DCTN2: variants seen among roughly 807,000 people sequenced by gnomAD.
DCTN2 encodes 50 kDa dynein-associated polypeptide.
In DCTN2, 18 loss-of-function variants were observed where a neutral mutation model predicts 55.4. That is an observed-to-expected ratio of 0.32 (90% CI 0.22 to 0.48). DCTN2 has a LOEUF of 0.48. Among genes scored for constraint, DCTN2 ranks in the 20% least tolerant of loss-of-function variants. DCTN2 has a pLI of 0.99. For missense variants in DCTN2, 390 were observed against 491.0 expected, an observed-to-expected ratio of 0.79 and a Z score of 1.94; for synonymous variants, 168 against 185.2, an observed-to-expected ratio of 0.91 and a Z score of 0.76.
At chr12:57,533,842 A>T in intron 7 of DCTN2, 111 bp downstream of exon 7, 1 of 1,110,716 alleles carries the variant, frequency 9.0e-7, no homozygotes, top group Non-Finnish European at 1.3e-6. Context: ...AATCAAGAGG[A>T]ATCAGAGGAA....
At chr12:57,543,822 C>T in intron 2 of DCTN2, 1 of 1,289,624 alleles carries the variant, frequency 7.8e-7, no homozygotes, top group South Asian at 1.2e-5. Flanking sequence ...TCCTGGGCAA[C>T]ATGCCACAGG....
At chr12:57,533,104 T>A in intron 8 of DCTN2, 82 bp from the exon 9 acceptor site, 1 of 1,557,254 alleles carries the variant, frequency 6.4e-7, no homozygotes, top group Non-Finnish European at 8.7e-7. Context: ...TGGTTCTAGC[T>A]GGGAACCCAC....
chr12:57,532,518 C>T (rs1247705456), intron 11 of DCTN2, 54 bp downstream of exon 11: 1 of 1,577,744 alleles, frequency 6.3e-7, no homozygotes, highest in Admixed American at 1.7e-5. Context: ...TTTGACACTG[C>T]CACTCGGAGA....
chr12:57,537,276 G>A (rs60489267), intron 2 of DCTN2, among the ~76,000 whole-genome samples: 72 of 150,748 alleles, frequency 4.8e-4, no homozygotes, highest in African/African-American at 1.6e-3. Context: ...GGAGGATGCA[G>A]TGAGCAGAGA....
At chr12:57,543,654 G>A (rs1249909319) in intron 2 of DCTN2, 2 of 590,116 alleles carry the variant, frequency 3.4e-6, no homozygotes, top group African/African-American at 4.0e-5. Flanking sequence ...CTGACATCAG[G>A]AAACATCTTG....
rs1367575653 is a variant in DCTN2 at position 57,532,026 on chromosome 12, G to A, written c.1108C>T (p.Leu370Phe). 6.4e-7 allele frequency: 1 copy of A among 1,562,120 alleles called. No homozygotes were observed. Among genetic ancestry groups the A allele is most frequent in the Admixed American group, 1.9e-5 (1 of 52,226 alleles). The change falls in exon 13 of 14, where the codon CTC becomes TTC. Residue 370 changes from leucine (L) to phenylalanine (F), a missense_variant. Leu to Phe is a conservative substitution (Grantham distance 22). Transcript: ENST00000548249. ...AAAGGGGCACACACCTGGGTCAAGAGGGTGGTATTGTCCTTCAAGGAATTA... is the reference window on the plus strand; with the variant it reads ...AAAGGGGCACACACCTGGGTCAAGAAGGTGGTATTGTCCTTCAAGGAATTA... ...IANSLKDNTT[L>F]LTQVQTTMRE...
chr12:57,533,439 A>G (rs1879924622), intron 7 of DCTN2, 136 bp from the exon 8 acceptor site: 7 of 832,640 alleles, frequency 8.4e-6, no homozygotes, highest in Admixed American at 1.9e-5. Flanking sequence ...CCTAGCCACA[A>G]TCTTAAAATC....
Position 57,530,739 on chromosome 12 carries a change from C to CGG in DCTN2, c.1155_1156insCC (p.Glu386ProfsTer12). The CGG allele has an allele frequency of 6.2e-7, 1 of 1,613,970 alleles. No individual in the cohort carries two copies. The highest frequency in any genetic ancestry group is 8.5e-7 in the Non-Finnish European group (1 of 1,179,866). On this transcript the variant is annotated frameshift_variant, in exon 14 of 14. Coordinates refer to ENST00000548249, the MANE Select transcript of DCTN2 (RefSeq NM_001261413.2). LOFTEE classifies it high-confidence loss of function. ...TCATCAATGCTGGCAAAGTTCCCCT[C>CGG]AACTGTGGCCAGGTTTTCACGCATG...
rs74396207 is a variant in DCTN2, at chr12:57,545,531, G to A, written c.105+497C>T. Among the ~76,000 whole-genome samples the A allele has an allele frequency of 8.0e-3, 1,224 of 152,324 alleles. 18 individuals are homozygous for A. The highest frequency in any genetic ancestry group is 0.031 in the Middle Eastern group (9 of 294). On this transcript the variant is annotated intron_variant, in intron 2 of 13. Transcript: ENST00000548249. ...CAACCACAGTCTCACATCCGCTGAT[G>A]TGAAATATTTACATTCTTCCTCAAA...
At chr12:57,542,810 C>T (rs965517899) in intron 2 of DCTN2, 26 of 455,594 alleles carry the variant, frequency 5.7e-5, no homozygotes, top group African/African-American at 4.8e-4. Flanking sequence ...AAGAGTGAGA[C>T]TCTGTCTCAA....
intron 2 of DCTN2, chr12:57,541,298 C>T: frequency 1.3e-6 from 2 of 1,575,334 alleles, no homozygotes; most frequent in East Asian, 2.2e-5. Flanking sequence ...AGCACAGTGG[C>T]AGAGCATTGC....
At chr12:57,546,790 T>C (rs140979768) in intron 1 of DCTN2, among the ~76,000 whole-genome samples, 1,573 of 152,282 alleles carry the variant, frequency 0.01, 19 homozygotes, top group Middle Eastern at 0.031. Flanking sequence ...CCGGAGTCGA[T>C]TTCTGGGCCG....
chr12:57,544,745 G>A (rs1714477523), intron 2 of DCTN2, among the ~76,000 whole-genome samples: 2 of 152,020 alleles, frequency 1.3e-5, no homozygotes, highest in African/African-American at 4.8e-5. Flanking sequence ...GAATCCATGG[G>A]TTTGGAACCC....
rs377210827 is a variant in DCTN2, at chr12:57,530,650, G to A, written c.*39C>T. On this transcript the variant is annotated 3_prime_UTR_variant, in exon 14 of 14. Transcript: ENST00000548249. ...TGTAAGCTGTTAACAGAGTTCACAG[G>A]GGTAGGGATAACCCCTGTTCTCCAG... 74 of 1,545,732 alleles carry A rather than the reference G, an allele frequency of 4.8e-5. No homozygotes were observed. In the African/African-American group the frequency reaches 8.6e-4, roughly 18 times the overall value.
In DCTN2 at chr12:57,541,484, T is replaced by TATGTCTTC. The variant is rs1409213183; in HGVS notation, c.105+4543_105+4544insGAAGACAT. On this transcript the variant is annotated intron_variant, in intron 2 of 13. Transcript: ENST00000548249. ...GAACACAATCAAGCATACTCCAGGA[T>TATGTCTTC]CTTCTAAACTGTAAGGAAGTACTGT... The TATGTCTTC allele has an allele frequency of 5.3e-4, 589 of 1,101,364 alleles. 1 individual carries two copies. The highest frequency in any genetic ancestry group is 7.0e-4 in the Non-Finnish European group (516 of 738,664). The allele number at this position is 1,101,364 out of a possible 1,614,324, so 68.2% of individuals were successfully genotyped here.
At chr12:57,535,008 C>G (rs755299415) in intron 5 of DCTN2, 48 bp downstream of exon 5, 2 of 1,486,528 alleles carry the variant, frequency 1.3e-6, no homozygotes, top group Non-Finnish European at 9.3e-7. Flanking sequence ...AGGTCTTCCT[C>G]TACTGTGTAA....
Position 57,532,973 on chromosome 12 carries a change from T to A in DCTN2, c.774+11A>T. The A allele has an allele frequency of 6.2e-7, 1 of 1,601,768 alleles. No homozygotes were observed. The highest frequency in any genetic ancestry group is 8.5e-7 in the Non-Finnish European group (1 of 1,174,348). On this transcript the variant is annotated intron_variant, in intron 9 of 13. Coordinates refer to ENST00000548249, the MANE Select transcript of DCTN2 (RefSeq NM_001261413.2). ...CTGTGATCCAAACACTCCAGTTTCT[T>A]CCAAACTCACCATGAGACAGGCTCC...
rs1462058738 is a variant in DCTN2 at position 57,532,807 on chromosome 12, T to C, written c.778A>G (p.Thr260Ala). 1.2e-6 allele frequency: 2 copies of C among 1,613,768 alleles called. No individual in the cohort carries two copies. Among genetic ancestry groups the C allele is most frequent in the Admixed American group, 3.3e-5 (2 of 59,996 alleles). Residue 260 changes from threonine to alanine, a missense_variant, in exon 10 of 14, where the codon ACT becomes GCT. This residue lies in a region of DCTN2 where 273 missense variants were observed against 303.2 expected (regional missense o/e 0.90). Transcript: ENST00000548249. ...ACCTTTGCTTGCAACAGCTCTACAGTCTCCTGGGGATGGAAGTTGGGACAA... is the reference window on the plus strand; with the variant it reads ...ACCTTTGCTTGCAACAGCTCTACAGCCTCCTGGGGATGGAAGTTGGGACAA... ...AGLQGACLME[T>A]VELLQAKVSA...
At chr12:57,534,185 G>C (rs761332967) in intron 6 of DCTN2, 88 bp from the exon 7 acceptor site, 53 of 1,528,692 alleles carry the variant, frequency 3.5e-5, no homozygotes, top group Non-Finnish European at 4.2e-5. Flanking sequence ...TCAGCATTAA[G>C]AAACATCTAA....
Sources: allele counts gnomAD v4.1 joint callset (sites outside exome capture counted in the v4.1 genomes callset), GRCh38; gene constraint gnomAD v4.1.1; regional missense constraint gnomAD v4.1.1; transcripts MANE v1.5; gene names NCBI Gene and HGNC (gene_info 2026-07-23, HGNC 2026-07-21).